SLC9A2: variants seen among roughly 807,000 people sequenced by gnomAD.
SLC9A2 encodes sodium/hydrogen exchanger 2.
A neutral mutation model predicts 71.7 loss-of-function variants in SLC9A2; 42 were observed. The ratio of observed to expected loss-of-function variants is 0.59; its 90% CI spans 0.46 to 0.76. The LOEUF (loss-of-function observed/expected upper bound fraction) is 0.76. SLC9A2 is among the 30% of genes least tolerant of loss of function. The pLI is 0.00. For missense variants in SLC9A2, 829 were observed against 1,017.4 expected (o/e 0.81, Z 2.52); for synonymous variants, 396 against 392.5 (o/e 1.01, Z -0.10).
chr2:102,696,969 C>T (rs1677779640), intron 7 of SLC9A2, among the ~76,000 whole-genome samples: 1 of 152,224 alleles, frequency 6.6e-6, no homozygotes, highest in African/African-American at 2.4e-5. Flanking sequence ...GAGTCCCCAT[C>T]TGTGCTAAGC....
At chr2:102,695,825 A>ATATATATATAT (rs1441215105) in intron 7 of SLC9A2, among the ~76,000 whole-genome samples, 1 of 129,082 alleles carries the variant, frequency 7.7e-6, no homozygotes, top group African/African-American at 3.0e-5. Flanking sequence ...ATATATATAT[A>ATATATATATAT]AAAAGCTAAA....
At chr2:102,656,336 T>C (rs778535932) in intron 1 of SLC9A2, among the ~76,000 whole-genome samples, 4 of 152,208 alleles carry the variant, frequency 2.6e-5, no homozygotes, top group Non-Finnish European at 5.9e-5. Context: ...CATTTTTCCA[T>C]TTACTAGAGA....
At chr2:102,641,071 C>T (rs1400231308) in intron 1 of SLC9A2, among the ~76,000 whole-genome samples, 2 of 152,168 alleles carry the variant, frequency 1.3e-5, no homozygotes, top group African/African-American at 4.8e-5. Context: ...GCTGACACAA[C>T]TTACTACATA....
At chr2:102,690,623 G>A (rs773068666) in intron 5 of SLC9A2, among the ~76,000 whole-genome samples, 5 of 152,160 alleles carry the variant, frequency 3.3e-5, no homozygotes, top group Non-Finnish European at 5.9e-5. Flanking sequence ...GGAAATCAGT[G>A]TGCAGCATGG....
chr2:102,680,249 T>C (rs754387548), intron 3 of SLC9A2, among the ~76,000 whole-genome samples: 4 of 152,202 alleles, frequency 2.6e-5, no homozygotes, highest in Non-Finnish European at 5.9e-5. Context: ...TTTTTTTATA[T>C]ATATAAAACA....
intron 5 of SLC9A2, among the ~76,000 whole-genome samples, chr2:102,687,179 T>C (rs1239562639): frequency 1.3e-5 from 2 of 152,186 alleles, no homozygotes; most frequent in Non-Finnish European, 2.9e-5. Context: ...TACCCTTCTG[T>C]GTGCACAGAT....
chr2:102,702,152 G>C (rs1464215900), intron 8 of SLC9A2, among the ~76,000 whole-genome samples: 1 of 152,210 alleles, frequency 6.6e-6, no homozygotes, highest in Non-Finnish European at 1.5e-5. Flanking sequence ...ATAAGCCATT[G>C]TAGTTTTTCT....
intron 3 of SLC9A2, among the ~76,000 whole-genome samples, chr2:102,673,497 T>C (rs1677292951): frequency 1.3e-5 from 2 of 152,224 alleles, no homozygotes; most frequent in Admixed American, 1.3e-4. Context: ...TATTTCCTTG[T>C]TAACTTTAAA....
At chr2:102,705,804 C>T (rs763386652) in intron 10 of SLC9A2, 42 bp from the exon 11 acceptor site, 5 of 1,166,964 alleles carry the variant, frequency 4.3e-6, no homozygotes, top group South Asian at 1.4e-5. Context: ...ACAATAAGTG[C>T]CATTTGTATA....
intron 5 of SLC9A2, among the ~76,000 whole-genome samples, chr2:102,685,361 C>T (rs542996286): frequency 1.2e-4 from 18 of 152,174 alleles, no homozygotes; most frequent in Non-Finnish European, 2.4e-4. Flanking sequence ...AAGCTTGGCG[C>T]TTCTTCAAGT....
In SLC9A2 at chr2:102,701,179, G is replaced by A; in HGVS notation, c.1696G>A (p.Glu566Lys). 1 of 1,608,788 alleles carries A rather than the reference G, an allele frequency of 6.2e-7. No homozygotes were observed. Among genetic ancestry groups the A allele is most frequent in the Non-Finnish European group, 8.5e-7 (1 of 1,176,692 alleles). The change falls in exon 8 of 12, where the codon GAG (glutamate) becomes AAG (lysine). Residue 566 changes from glutamate (E) to lysine (K), a missense_variant. Physicochemically the swap from Glu to Lys is moderately conservative, Grantham distance 56 (BLOSUM62 1). This residue lies in a region of SLC9A2 where 500 missense variants were observed against 726.3 expected (regional missense o/e 0.69). Transcript: ENST00000233969. The part of the protein sequence containing the change: ...YKKLEIKHAI[E>K]MAETGMISTV... Reference sequence around the variant, plus strand: ...AAAGCTTGAAATAAAACATGCCATTGAGATGGCAGAGACTGGGATGATAAG... The same window carrying A: ...AAAGCTTGAAATAAAACATGCCATTAAGATGGCAGAGACTGGGATGATAAG...
chr2:102,650,814 T>G (rs1324577843), intron 1 of SLC9A2, among the ~76,000 whole-genome samples: 1 of 152,210 alleles, frequency 6.6e-6, no homozygotes, highest in Non-Finnish European at 1.5e-5. Context: ...TGGGGGAGTG[T>G]GGCATCATAC....
chr2:102,695,386 T>C (rs574528053), intron 7 of SLC9A2, among the ~76,000 whole-genome samples: 10 of 152,306 alleles, frequency 6.6e-5, no homozygotes, highest in Non-Finnish European at 1.2e-4. Context: ...GTCCGAGGAC[T>C]GTCTGTCTAG....
At chr2:102,667,534 A>G (rs1469708160) in intron 3 of SLC9A2, among the ~76,000 whole-genome samples, 3 of 152,208 alleles carry the variant, frequency 2.0e-5, no homozygotes, top group Non-Finnish European at 2.9e-5. Flanking sequence ...TGCATCCCCC[A>G]TGTCGGTGAT....
At chr2:102,655,454 T>A (rs925556956) in intron 1 of SLC9A2, among the ~76,000 whole-genome samples, 5 of 152,148 alleles carry the variant, frequency 3.3e-5, no homozygotes, top group African/African-American at 1.2e-4. Context: ...ACGCCTGGCC[T>A]ATACCCTTAT....
intron 3 of SLC9A2, among the ~76,000 whole-genome samples, chr2:102,679,613 C>T (rs1677413059): frequency 6.6e-6 from 1 of 152,050 alleles, no homozygotes; most frequent in African/African-American, 2.4e-5. Flanking sequence ...CTCCCCACCT[C>T]GTGATCCGCC....
chr2:102,646,923 A>C (rs1485936790), intron 1 of SLC9A2, among the ~76,000 whole-genome samples: 2 of 152,012 alleles, frequency 1.3e-5, no homozygotes. Flanking sequence ...GAAAATTAAC[A>C]AGGATAGTCA....
At chr2:102,657,142 G>A (rs1261422129) in intron 1 of SLC9A2, among the ~76,000 whole-genome samples, 1 of 151,570 alleles carries the variant, frequency 6.6e-6, no homozygotes, top group African/African-American at 2.4e-5. Context: ...GGAGGCAGAG[G>A]TTGCAGTGAG....
At chr2:102,666,505 T>A (rs990853535) in intron 3 of SLC9A2, among the ~76,000 whole-genome samples, 8 of 152,158 alleles carry the variant, frequency 5.3e-5, no homozygotes, top group African/African-American at 1.9e-4. Context: ...CCGGTTTAGC[T>A]TTTTAAACAA....
Sources: gnomAD v4.1 joint callset for allele counts (sites outside exome capture counted in the v4.1 genomes callset) on GRCh38, gnomAD v4.1.1 for gene constraint, gnomAD v4.1.1 regional missense constraint, MANE v1.5 for transcripts, NCBI Gene and HGNC (gene_info 2026-07-23, HGNC 2026-07-21) for gene names.